AFF4: variants seen among roughly 807,000 people sequenced by gnomAD.
AFF4 encodes AF4/FMR2 family member 4.
In AFF4, 13 loss-of-function variants were observed where a neutral mutation model predicts 124.8. The ratio of observed to expected loss-of-function variants is 0.10; its 90% CI spans 0.07 to 0.17. AFF4 has a LOEUF of 0.17. Ranked by LOEUF, AFF4 falls within the 10% of genes least tolerant of loss-of-function variation. AFF4 has a pLI of 1.00. For synonymous variants in AFF4, 477 were observed against 496.1 expected (o/e 0.96, Z 0.51); for missense variants, 1,092 against 1,403.8 (o/e 0.78, Z 3.55).
chr5:132,878,473 AGGAG>A lies in AFF4; in HGVS notation c.*2582_*2585del. The stretch of plus-strand genomic sequence containing the variant: ...TAGAAAACACTGAGGACACCTATTG[AGGAG>A]GGAGGGGGGAAGGTCACCTGTAAAG... On this transcript the variant is annotated 3_prime_UTR_variant, in exon 21 of 21. Transcript: ENST00000265343. The A allele has an allele frequency of 4.3e-6, 1 of 232,434 alleles. No homozygotes were observed. The highest frequency in any genetic ancestry group is 8.5e-6 in the Non-Finnish European group (1 of 117,210). 14.4% of individuals were successfully genotyped at this position (232,434 alleles called of 1,614,324 possible).
At chr5:132,935,567 T>TG (rs1761405537) in intron 2 of AFF4, among the ~76,000 whole-genome samples, 1 of 152,018 alleles carries the variant, frequency 6.6e-6, no homozygotes. Flanking sequence ...CATCAGGAGT[T>TG]GGAGACCAGC....
intron 5 of AFF4, among the ~76,000 whole-genome samples, chr5:132,917,466 A>G (rs1031324703): frequency 3.3e-5 from 5 of 152,126 alleles, no homozygotes; most frequent in African/African-American, 1.2e-4. Flanking sequence ...ATAAGGCAAG[A>G]ATGTCTAATC....
chr5:132,876,866 C>T lies in AFF4; in HGVS notation c.*4193G>A, dbSNP rs1484658083. ...GGTCTAAAGTGAATTTCTCCATTAG[C>T]GAGTATCTGAAAGACATGCTCACAA... On this transcript the variant is annotated 3_prime_UTR_variant, in exon 21 of 21. Coordinates refer to ENST00000265343, the MANE Select transcript of AFF4 (RefSeq NM_014423.4). 5 of 196,364 alleles carry T rather than the reference C, an allele frequency of 2.5e-5. No individual in the cohort carries two copies. The highest frequency in any genetic ancestry group is 6.1e-5 in the Admixed American group (1 of 16,438). 12.2% of individuals were successfully genotyped at this position (196,364 alleles called of 1,614,324 possible).
At position 132,941,262 on chromosome 5, in the gene AFF4, T is replaced by C. The variant is rs946975588; in HGVS notation, c.-4-4069A>G. 3.9e-5 allele frequency among the ~76,000 whole-genome samples: 6 copies of C among 152,320 alleles called. No homozygotes were observed. In the South Asian group the frequency reaches 6.2e-4, roughly 16 times the overall value. On this transcript the variant is annotated intron_variant, in intron 1 of 20. Coordinates refer to ENST00000265343, the MANE Select transcript of AFF4 (RefSeq NM_014423.4). ...TTTAAATGAGTCAATCTGAAGTATA[T>C]CTTTGTCAAACGGGCAAAACTATTT... is the stretch of plus-strand genomic sequence containing the variant.
At position 132,907,145 on chromosome 5, in the gene AFF4, C is replaced by A. The variant is rs183463061; in HGVS notation, c.1051-2741G>T. Among the ~76,000 whole-genome samples, 12 of 152,240 alleles carry A rather than the reference C, an allele frequency of 7.9e-5. No homozygotes were observed. The East Asian group carries it at 2.3e-3, about 29-fold the overall frequency. On this transcript the variant is annotated intron_variant, in intron 5 of 20. Transcript: ENST00000265343. ...AAACATCCACCAAAGGCGAGACCAT[C>A]TGAACCGGAAAGACTTCAGGTCTTC...
chr5:132,927,260 T>C (rs1761193718), intron 4 of AFF4, 53 bp from the exon 5 acceptor site: 4 of 1,519,394 alleles, frequency 2.6e-6, no homozygotes, highest in South Asian at 1.2e-5. Context: ...ATAAAAATTA[T>C]ACAGCTAAAA....
chr5:132,883,241 A>C, intron 20 of AFF4, 99 bp downstream of exon 20: 1 of 1,119,042 alleles, frequency 8.9e-7, no homozygotes, highest in Non-Finnish European at 1.3e-6. Context: ...TTAACTCTAA[A>C]TAATAAAACT....
intron 18 of AFF4, 130 bp from the exon 19 acceptor site, chr5:132,885,249 C>CGTGTGT (rs3835017): frequency 5.5e-5 from 20 of 360,704 alleles, no homozygotes; most frequent in Middle Eastern, 8.0e-4. Context: ...CACCAAAATA[C>CGTGTGT]GTGTGTGTGT....
intron 1 of AFF4, among the ~76,000 whole-genome samples, chr5:132,939,386 T>G (rs10060215): frequency 0.21 from 31,426 of 152,106 alleles, 3,545 homozygotes; most frequent in African/African-American, 0.29. Context: ...TTTCAATCTT[T>G]AAAGAATACC....
At position 132,896,361 on chromosome 5, in the gene AFF4, A is replaced by G. The variant is rs765153928; in HGVS notation, c.2269T>C (p.Ser757Pro). Reference sequence around the variant, plus strand: ...TTGCCTTTGTTGGAAACTTTTTCTGAGGCTTGTTTCTGAGCCTCTCTCGTG... The same window carrying G: ...TTGCCTTTGTTGGAAACTTTTTCTGGGGCTTGTTTCTGAGCCTCTCTCGTG... The part of the protein sequence containing the change: ...KHTREAQKQA[S>P]EKVSNKGKRK... Residue 757 changes from serine (S) to proline (P), a missense_variant, in exon 11 of 21, where the codon TCA becomes CCA. Physicochemically the swap from Ser to Pro is moderately conservative, Grantham distance 74. This residue lies in a region of AFF4 where 293 missense variants were observed against 280.2 expected (regional missense o/e 1.05). Transcript: ENST00000265343. The G allele has an allele frequency of 6.9e-6, 11 of 1,598,112 alleles. No homozygotes were observed. In the East Asian group the frequency reaches 2.5e-4, roughly 36 times the overall value.
Position 132,912,034 on chromosome 5 carries a change from A to G in AFF4, c.1051-7630T>C, listed in dbSNP as rs557085727. Among the ~76,000 whole-genome samples the G allele has an allele frequency of 2.6e-4, 39 of 152,070 alleles. No homozygotes were observed. In the South Asian group the frequency reaches 8.1e-3, roughly 32 times the overall value. On this transcript the variant is annotated intron_variant, in intron 5 of 20. Coordinates refer to ENST00000265343, the MANE Select transcript of AFF4 (RefSeq NM_014423.4). The stretch of plus-strand genomic sequence containing the variant: ...AAAGATTTTTTCAAAGTACTAAAAG[A>G]AATATTAAAGAAAGTCCTCCAGATA...
At chr5:132,901,859 C>T (rs933261176) in intron 7 of AFF4, among the ~76,000 whole-genome samples, 9 of 152,116 alleles carry the variant, frequency 5.9e-5, no homozygotes, top group Non-Finnish European at 5.9e-5. Flanking sequence ...CAAGCCAAAT[C>T]CAACCTACCA....
intron 4 of AFF4, among the ~76,000 whole-genome samples, 168 bp downstream of exon 4, chr5:132,932,010 T>G (rs1356356916): frequency 6.6e-6 from 1 of 151,956 alleles, no homozygotes; most frequent in South Asian, 2.1e-4. Flanking sequence ...TGAAGGCAAA[T>G]GGTAAACAAA....
In AFF4 at chr5:132,926,010, A is replaced by AT. The variant is rs1346920503; in HGVS notation, c.1050+1110_1050+1111insA. ...GCTTAAATACCAAAGAGAAATGGCT[A>AT]AATAAACTAGGATATATTAACACTA... On this transcript the variant is annotated intron_variant, in intron 5 of 20. Transcript: ENST00000265343. Among the ~76,000 whole-genome samples, 65 of 152,220 alleles carry AT rather than the reference A, an allele frequency of 4.3e-4. 1 individual carries two copies. The highest frequency in any genetic ancestry group is 2.5e-4 in the Non-Finnish European group (17 of 68,028).
chr5:132,932,166 T>C lies in AFF4; in HGVS notation c.963+12A>G, dbSNP rs574567133. On this transcript the variant is annotated intron_variant, in intron 4 of 20. Transcript: ENST00000265343. Reference sequence around the variant, plus strand: ...TTAAAGAAATTGAAATGATTTTTTTTAAAAAACTTACTTTTAGGATTTCAT... The same window carrying C: ...TTAAAGAAATTGAAATGATTTTTTTCAAAAAACTTACTTTTAGGATTTCAT... The C allele has an allele frequency of 1.9e-6, 3 of 1,577,024 alleles. No individual in the cohort carries two copies. In the African/African-American group the frequency reaches 4.1e-5, roughly 22 times the overall value.
At chr5:132,883,657 TA>T (rs1425589020) in intron 19 of AFF4, 97 bp from the exon 20 acceptor site, 24 of 1,099,304 alleles carry the variant, frequency 2.2e-5, no homozygotes, top group Non-Finnish European at 3.1e-5. Context: ...ATTTAAAATG[TA>T]AAGATTCTCT....
At chr5:132,954,849 G>C (rs1281780504) in intron 1 of AFF4, among the ~76,000 whole-genome samples, 1 of 152,156 alleles carries the variant, frequency 6.6e-6, no homozygotes, top group Non-Finnish European at 1.5e-5. Flanking sequence ...GCCCGGCCTA[G>C]ACAATGCTCT....
chr5:132,889,327 G>A lies in AFF4; in HGVS notation c.2638-154C>T, dbSNP rs756832414. Reference sequence around the variant, plus strand: ...ACAAAACTTTTATAAACTTCATAATGTAAACTTTAAAAAAAAAAAGGGTCC... The same window carrying A: ...ACAAAACTTTTATAAACTTCATAATATAAACTTTAAAAAAAAAAAGGGTCC... On this transcript the variant is annotated intron_variant, in intron 13 of 20. Coordinates refer to ENST00000265343, the MANE Select transcript of AFF4 (RefSeq NM_014423.4). Among the ~76,000 whole-genome samples, 57 of 151,072 alleles carry A rather than the reference G, an allele frequency of 3.8e-4. 1 individual carries two copies. Among genetic ancestry groups the A allele is most frequent in the Non-Finnish European group, 6.2e-4 (42 of 67,818 alleles).
intron 9 of AFF4, 93 bp downstream of exon 9, chr5:132,899,011 A>G: frequency 8.9e-7 from 1 of 1,119,092 alleles, no homozygotes. Context: ...ATCAAAATTA[A>G]TATTTACTTA....
Sources: allele counts gnomAD v4.1 joint callset (sites outside exome capture counted in the v4.1 genomes callset), GRCh38; gene constraint gnomAD v4.1.1; regional missense constraint gnomAD v4.1.1; transcripts MANE v1.5; gene names NCBI Gene and HGNC (gene_info 2026-07-23, HGNC 2026-07-21).